Variants in MBTD1 observed in about 807,000 individuals in gnomAD.
The protein encoded by MBTD1 is MBT domain-containing protein 1.
MBTD1 carries 24 observed loss-of-function variants against 87.8 expected under a neutral mutation model. The observed-to-expected ratio is 0.27, with a 90% confidence interval of 0.20 to 0.38. MBTD1 has a LOEUF of 0.38. Among genes scored for constraint, MBTD1 ranks in the 10% least tolerant of loss-of-function variants. The pLI is 1.00. For missense variants in MBTD1, 436 were observed against 760.2 expected (o/e 0.57, Z 5.02); for synonymous variants, 237 against 248.6 (o/e 0.95, Z 0.44).
At position 51,203,121 on chromosome 17, in the gene MBTD1, A is replaced by G. The variant is rs750380351; in HGVS notation, c.828+19T>C. 1.1e-5 allele frequency: 17 copies of G among 1,580,742 alleles called. No individual in the cohort carries two copies. The South Asian group carries it at 1.6e-4, about 15-fold the overall frequency. ...TGTTTTTTAGAGCTCTTCAGTCTTT[A>G]TAAGATCCTGTTTTTTACCTTTTGG... On this transcript the variant is annotated intron_variant, in intron 9 of 16. Transcript: ENST00000586178.
At position 51,259,163 on chromosome 17, in the gene MBTD1, G is replaced by A. The variant is rs1366848046; in HGVS notation, c.-69C>T. The stretch of plus-strand genomic sequence containing the variant: ...CCTACCACTTGTCAGAGAGGCTGCA[G>A]AGGGGACGGCTGCTTTGGATGACCT... On this transcript the variant is annotated 5_prime_UTR_variant, in exon 2 of 17. Coordinates refer to ENST00000586178, the MANE Select transcript of MBTD1 (RefSeq NM_017643.3). 3.5e-6 allele frequency: 3 copies of A among 854,016 alleles called. No homozygotes were observed. Among genetic ancestry groups the A allele is most frequent in the Non-Finnish European group, 4.7e-6 (3 of 642,300 alleles). The allele number at this position is 854,016 out of a possible 1,614,324, so 52.9% of individuals were successfully genotyped here. A position where few individuals can be genotyped will look rare whatever the true frequency, so the allele number is the denominator to read the frequency against.
At chr17:51,192,600 T>C (rs769726200) in intron 15 of MBTD1, 182 bp downstream of exon 15, 35 of 1,076,616 alleles carry the variant, frequency 3.3e-5, no homozygotes, top group African/African-American at 6.4e-5. Flanking sequence ...TGGATTCACA[T>C]TGCCATGGGA....
chr17:51,198,207 A>G (rs1487935478), intron 12 of MBTD1, among the ~76,000 whole-genome samples: 1 of 152,122 alleles, frequency 6.6e-6, no homozygotes, highest in Non-Finnish European at 1.5e-5. Flanking sequence ...TGACTTTGCT[A>G]TCTTATTTGA....
intron 2 of MBTD1, chr17:51,250,727 T>C (rs1219026262): frequency 6.6e-6 from 1 of 152,232 alleles, no homozygotes; most frequent in Non-Finnish European, 1.5e-5. Flanking sequence ...GTGGTATAGA[T>C]TCAGATCTCT....
At position 51,201,750 on chromosome 17, in the gene MBTD1, A is replaced by G. The variant is rs1197762967; in HGVS notation, c.1120-54T>C. The stretch of plus-strand genomic sequence containing the variant: ...TGTTACAAATGTTGTTATTTTGATA[A>G]TTAAAATATTACCAATGTGAAAAGA... On this transcript the variant is annotated intron_variant, in intron 11 of 16. Coordinates refer to ENST00000586178, the MANE Select transcript of MBTD1 (RefSeq NM_017643.3). 5.9e-6 allele frequency: 7 copies of G among 1,180,188 alleles called. No individual in the cohort carries two copies. The Admixed American group carries it at 7.7e-5, about 13-fold the overall frequency. The allele number at this position is 1,180,188 out of a possible 1,614,324, so 73.1% of individuals were successfully genotyped here. A position where few individuals can be genotyped will look rare whatever the true frequency, so the allele number is the denominator to read the frequency against.
chr17:51,189,109 G>A (rs1201171804), intron 16 of MBTD1, among the ~76,000 whole-genome samples: 1 of 152,058 alleles, frequency 6.6e-6, no homozygotes, highest in East Asian at 1.9e-4. Flanking sequence ...ACCTCACTTG[G>A]TGACACTACT....
chr17:51,232,816 C>A (rs1476889206), intron 2 of MBTD1, among the ~76,000 whole-genome samples: 1 of 151,810 alleles, frequency 6.6e-6, no homozygotes, highest in Non-Finnish European at 1.5e-5. Flanking sequence ...GGCAGGAGGA[C>A]CGCTTGAGGC....
chr17:51,220,481 A>C lies in MBTD1; in HGVS notation c.155-18T>G, dbSNP rs2052820319. The C allele has an allele frequency of 6.5e-7, 1 of 1,531,868 alleles. No homozygotes were observed. The highest frequency in any genetic ancestry group is 1.4e-5 in the African/African-American group (1 of 72,464). 94.9% of individuals were successfully genotyped at this position (1,531,868 alleles called of 1,614,324 possible). A position where few individuals can be genotyped will look rare whatever the true frequency, so the allele number is the denominator to read the frequency against. ...ACAGGTAGCTAATTAACAAAATAAAAACACTGGTGTTATGATGATATAATA... is the reference window on the plus strand; with the variant it reads ...ACAGGTAGCTAATTAACAAAATAAACACACTGGTGTTATGATGATATAATA... On this transcript the variant is annotated intron_variant, in intron 3 of 16. Coordinates refer to ENST00000586178, the MANE Select transcript of MBTD1 (RefSeq NM_017643.3).
At chr17:51,181,903 G>A (rs2050329651) in intron 16 of MBTD1, among the ~76,000 whole-genome samples, 2 of 152,298 alleles carry the variant, frequency 1.3e-5, no homozygotes, top group South Asian at 4.1e-4. Context: ...GGGATTACAG[G>A]TGTGAGCCAC....
At chr17:51,225,838 G>C (rs2053186434) in intron 2 of MBTD1, among the ~76,000 whole-genome samples, 1 of 151,540 alleles carries the variant, frequency 6.6e-6, no homozygotes, top group South Asian at 2.1e-4. Flanking sequence ...GAGTGCAGTG[G>C]CACAATCTCG....
intron 2 of MBTD1, among the ~76,000 whole-genome samples, chr17:51,244,101 C>A (rs2054299281): frequency 1.3e-5 from 2 of 152,194 alleles, no homozygotes; most frequent in South Asian, 2.1e-4. Context: ...CTCAGGGACA[C>A]ACTTTGAAAT....
chr17:51,192,469 C>A (rs948301592), intron 15 of MBTD1, 189 bp from the exon 16 acceptor site: 1 of 629,260 alleles, frequency 1.6e-6, no homozygotes, highest in Non-Finnish European at 2.7e-6. Flanking sequence ...CCACTATTTA[C>A]TCAAAAGCAT....
At chr17:51,188,376 A>C (rs1270697631) in intron 16 of MBTD1, among the ~76,000 whole-genome samples, 1 of 152,192 alleles carries the variant, frequency 6.6e-6, no homozygotes, top group Non-Finnish European at 1.5e-5. Context: ...AGCAAGCTAG[A>C]CCAATGAAGC....
Position 51,260,006 on chromosome 17 carries a change from T to C in MBTD1, c.-284A>G. The C allele has an allele frequency of 1.9e-6, 1 of 521,042 alleles. No homozygotes were observed. The highest frequency in any genetic ancestry group is 2.9e-6 in the Non-Finnish European group (1 of 339,426). 32.3% of individuals were successfully genotyped at this position (521,042 alleles called of 1,614,324 possible). ...GGTGGCGGGTGCAGCAGCCCCCGGA[T>C]TTCCCCCCTTTAACTCGGGTGGCCC... On this transcript the variant is annotated 5_prime_UTR_variant, in exon 1 of 17. Transcript: ENST00000586178.
At chr17:51,260,188 G>A (rs949058852), upstream of MBTD1, 54 of 387,868 alleles carry the variant, frequency 1.4e-4, no homozygotes, top group Non-Finnish European at 2.1e-4. Context: ...CCAAGACGAA[G>A]GGTGGAAAGC....
intron 3 of MBTD1, among the ~76,000 whole-genome samples, chr17:51,222,386 C>T (rs560132528): frequency 1.5e-4 from 23 of 151,932 alleles, no homozygotes; most frequent in African/African-American, 4.6e-4. Flanking sequence ...GTAGAAGACA[C>T]GGGTAGTTTT....
chr17:51,250,738 T>C (rs1276718631), intron 2 of MBTD1: 2 of 152,226 alleles, frequency 1.3e-5, no homozygotes, highest in East Asian at 3.8e-4. Flanking sequence ...TCAGATCTCT[T>C]TTCACTTCCA....
chr17:51,244,980 A>G (rs2054348317), intron 2 of MBTD1, among the ~76,000 whole-genome samples: 2 of 152,034 alleles, frequency 1.3e-5, no homozygotes. Context: ...GGCTCACTGC[A>G]ACCTCCGCCT....
chr17:51,195,722 TGAC>T (rs1208287947), intron 12 of MBTD1, among the ~76,000 whole-genome samples: 3 of 152,234 alleles, frequency 2.0e-5, no homozygotes, highest in Admixed American at 2.0e-4. Flanking sequence ...GGTAACACTT[TGAC>T]TTCTTTCTTT....
Sources: allele counts gnomAD v4.1 joint callset (sites outside exome capture counted in the v4.1 genomes callset), GRCh38; gene constraint gnomAD v4.1.1; transcripts MANE v1.5; gene names NCBI Gene and HGNC (gene_info 2026-07-23, HGNC 2026-07-21).